The following LOC400499 variants were observed in gnomAD, a reference collection of about 807,000 sequenced individuals.
the LOC400499 span, among the ~76,000 whole-genome samples, chr16:11,422,418 GACGGAAAGGAACAGAACGGA>G: frequency 3.0e-4 from 45 of 152,118 alleles, no homozygotes; most frequent in African/African-American, 9.9e-4. Context: ...AAAGGAATGG[GACGGAAAGGAACAGAACGGA>G]ACGGAAAGGA....
the LOC400499 span, among the ~76,000 whole-genome samples, chr16:11,398,029 C>A: frequency 6.6e-6 from 1 of 152,154 alleles, no homozygotes; most frequent in South Asian, 2.1e-4. Context: ...AACACCTCTC[C>A]TCTGGGGTAA....
the LOC400499 span, among the ~76,000 whole-genome samples, chr16:11,408,408 T>A: frequency 6.6e-6 from 1 of 152,052 alleles, no homozygotes; most frequent in African/African-American, 2.4e-5. Flanking sequence ...GGAGGATGTT[T>A]TGCAAAATAA....
the LOC400499 span, chr16:11,502,252 C>G: frequency 2.5e-6 from 1 of 398,336 alleles, no homozygotes; most frequent in East Asian, 3.6e-5. Context: ...TCACCCGTCC[C>G]CTGCCTGTAA....
chr16:11,449,482 T>G, the LOC400499 span, among the ~76,000 whole-genome samples: 6 of 151,822 alleles, frequency 4.0e-5, no homozygotes, highest in African/African-American at 1.5e-4. Flanking sequence ...TCTTCGGGAG[T>G]CCTAGGAAGA....
At chr16:11,381,855 T>C in the LOC400499 span, among the ~76,000 whole-genome samples, 1 of 152,188 alleles carries the variant, frequency 6.6e-6, no homozygotes, top group African/African-American at 2.4e-5. Context: ...TTCTGCAGTT[T>C]AGTTCTGATG....
chr16:11,423,477 G>C, the LOC400499 span, among the ~76,000 whole-genome samples: 3,805 of 152,320 alleles, frequency 0.025, 166 homozygotes, highest in African/African-American at 0.087. Context: ...CTCCACGCCA[G>C]GCACGGTGCT....
At chr16:11,519,275 T>TC in the LOC400499 span, among the ~76,000 whole-genome samples, 7 of 152,176 alleles carry the variant, frequency 4.6e-5, no homozygotes, top group African/African-American at 1.7e-4. Context: ...CAAGAATATG[T>TC]TACATTGTAG....
the LOC400499 span, among the ~76,000 whole-genome samples, chr16:11,397,875 G>A: frequency 2.8e-4 from 43 of 152,056 alleles, no homozygotes; most frequent in Non-Finnish European, 5.0e-4. Flanking sequence ...GTACATGGGA[G>A]GGCAGATATA....
At chr16:11,397,757 TG>T in the LOC400499 span, among the ~76,000 whole-genome samples, 2 of 16,102 alleles carry the variant, frequency 1.2e-4, no homozygotes, top group African/African-American at 2.3e-4. Context: ...GAGGGAGGGA[TG>T]GAGGGAGGGA....
chr16:11,407,358 A>C, the LOC400499 span: 5 of 389,218 alleles, frequency 1.3e-5, no homozygotes, highest in South Asian at 1.3e-4. Flanking sequence ...AAAAAAAAAA[A>C]CCACCACAAA....
At chr16:11,382,767 G>C in the LOC400499 span, among the ~76,000 whole-genome samples, 16 of 152,092 alleles carry the variant, frequency 1.1e-4, no homozygotes, top group African/African-American at 3.9e-4. Flanking sequence ...CCGAGATTGT[G>C]CCACTGCACT....
chr16:11,383,885 C>G, the LOC400499 span: 1 of 1,232,062 alleles, frequency 8.1e-7, no homozygotes, highest in Admixed American at 4.2e-5. Flanking sequence ...CTCACACTCA[C>G]CACCCGGAAG....
At chr16:11,472,209 T>C in the LOC400499 span, 187 of 155,144 alleles carry the variant, frequency 1.2e-3, no homozygotes, top group African/African-American at 3.6e-3. Context: ...TTTTTTTTTT[T>C]CCAGACAGAG....
At chr16:11,525,008 G>A in the LOC400499 span, among the ~76,000 whole-genome samples, 2 of 152,178 alleles carry the variant, frequency 1.3e-5, no homozygotes, top group African/African-American at 4.8e-5. Flanking sequence ...ATTGTGCCTG[G>A]GTACGGTGGC....
At chr16:11,379,164 C>T in the LOC400499 span, among the ~76,000 whole-genome samples, 1 of 152,194 alleles carries the variant, frequency 6.6e-6, no homozygotes, top group Non-Finnish European at 1.5e-5. Context: ...CTAAGAATCA[C>T]TTGAACCCAG....
the LOC400499 span, among the ~76,000 whole-genome samples, chr16:11,513,941 A>G: frequency 0.59 from 89,914 of 151,898 alleles, 27,067 homozygotes; most frequent in Admixed American, 0.66. Flanking sequence ...CCCCCCAGAT[A>G]TAGGCCTCGC....
At chr16:11,487,822 A>C in the LOC400499 span, among the ~76,000 whole-genome samples, 1 of 152,190 alleles carries the variant, frequency 6.6e-6, no homozygotes, top group Non-Finnish European at 1.5e-5. Context: ...GAATTTAATA[A>C]AACAGTGTTT....
chr16:11,462,164 A>G, the LOC400499 span: 1 of 1,532,982 alleles, frequency 6.5e-7, no homozygotes, highest in Non-Finnish European at 8.7e-7. Context: ...CGATGCGGAG[A>G]AGGCCAGCTT....
the LOC400499 span, chr16:11,460,178 G>C: frequency 1.1e-6 from 1 of 870,136 alleles, no homozygotes; most frequent in Non-Finnish European, 1.6e-6. Flanking sequence ...TCTGTAGAAA[G>C]CACTATTTTT....
Sources: allele counts gnomAD v4.1 joint callset (sites outside exome capture counted in the v4.1 genomes callset), GRCh38; gene constraint gnomAD v4.1.1; transcripts MANE v1.5.